The following SPEF2 variants were observed in gnomAD, a reference collection of about 807,000 sequenced individuals.
SPEF2 encodes the protein sperm flagellar and cilia associated 2, also known as sperm flagella and cilia-associated protein 2.
Under a neutral mutation model 224.6 loss-of-function variants are expected in SPEF2, and 187 were observed. The observed-to-expected ratio is 0.83, with a 90% CI of 0.74 to 0.94. The LOEUF (loss-of-function observed/expected upper bound fraction) is 0.94. Ranked by LOEUF, SPEF2 falls within the 40% of genes least tolerant of loss-of-function variation. The pLI, the probability that SPEF2 is intolerant of heterozygous loss-of-function variation, is 0.00. For missense variants in SPEF2, 2,170 were observed against 2,135.6 expected (o/e 1.02, Z -0.32); for synonymous variants, 715 against 707.3 (o/e 1.01, Z -0.17).
At chr5:35,664,628 C>T (rs1750192723) in intron 8 of SPEF2, among the ~76,000 whole-genome samples, 1 of 150,326 alleles carries the variant, frequency 6.7e-6, no homozygotes, top group Non-Finnish European at 1.5e-5. Flanking sequence ...TGTAGTGAGC[C>T]GAGATAACTC....
chr5:35,802,666 C>T (rs996177376), intron 34 of SPEF2, among the ~76,000 whole-genome samples: 1 of 152,120 alleles, frequency 6.6e-6, no homozygotes, highest in Non-Finnish European at 1.5e-5. Flanking sequence ...CTTGCAAGTC[C>T]CTGGGGCATG....
At chr5:35,677,492 C>A (rs2149495773) in intron 10 of SPEF2, among the ~76,000 whole-genome samples, 1 of 152,180 alleles carries the variant, frequency 6.6e-6, no homozygotes, top group East Asian at 1.9e-4. Flanking sequence ...AATGCAGTGA[C>A]CTTAGAGTCT....
At chr5:35,746,935 C>T (rs568327013) in intron 23 of SPEF2, among the ~76,000 whole-genome samples, 2 of 152,206 alleles carry the variant, frequency 1.3e-5, no homozygotes, top group South Asian at 2.1e-4. Flanking sequence ...CACCAGGTAA[C>T]TTATAAAGGA....
chr5:35,799,796 T>C (rs1415215199), intron 33 of SPEF2, among the ~76,000 whole-genome samples, 172 bp from the exon 34 acceptor site: 1 of 152,180 alleles, frequency 6.6e-6, no homozygotes, highest in East Asian at 1.9e-4. Context: ...CTTTTACTGC[T>C]TTTTTTCTTA....
chr5:35,783,294 T>C (rs1267883840), intron 30 of SPEF2, among the ~76,000 whole-genome samples: 5 of 152,228 alleles, frequency 3.3e-5, no homozygotes, highest in Non-Finnish European at 1.5e-5. Flanking sequence ...AGTTCACCTC[T>C]TGTCAAAAGA....
chr5:35,723,740 G>A (rs1012185137), intron 20 of SPEF2, among the ~76,000 whole-genome samples: 2 of 152,184 alleles, frequency 1.3e-5, no homozygotes, highest in Non-Finnish European at 2.9e-5. Flanking sequence ...AGGTGATGGA[G>A]GAAGTATGAT....
chr5:35,726,443 A>G (rs1744667082), intron 20 of SPEF2, among the ~76,000 whole-genome samples: 1 of 152,192 alleles, frequency 6.6e-6, no homozygotes, highest in African/African-American at 2.4e-5. Context: ...GTTACTGCCT[A>G]AACAAAGACT....
At chr5:35,627,678 T>C (rs1744464591) in intron 1 of SPEF2, among the ~76,000 whole-genome samples, 1 of 152,146 alleles carries the variant, frequency 6.6e-6, no homozygotes, top group Admixed American at 6.5e-5. Flanking sequence ...CACCCAGCAA[T>C]TCTCAAACAC....
At chr5:35,772,630 A>G (rs2149785384) in intron 27 of SPEF2, among the ~76,000 whole-genome samples, 1 of 152,242 alleles carries the variant, frequency 6.6e-6, no homozygotes, top group African/African-American at 2.4e-5. Flanking sequence ...TGGAGGAAGG[A>G]GTGGGTCAGT....
intron 23 of SPEF2, among the ~76,000 whole-genome samples, chr5:35,740,897 C>G (rs1747501190): frequency 6.6e-6 from 1 of 152,142 alleles, no homozygotes; most frequent in South Asian, 2.1e-4. Flanking sequence ...TGACACACCC[C>G]CCCTTATCCC....
At chr5:35,798,404 C>CTG (rs1756974759) in intron 33 of SPEF2, among the ~76,000 whole-genome samples, 2 of 152,158 alleles carry the variant, frequency 1.3e-5, no homozygotes, top group African/African-American at 4.8e-5. Flanking sequence ...CTTGGGAGTT[C>CTG]AGCCTCAGCA....
chr5:35,721,924 C>T (rs113461995), intron 20 of SPEF2, among the ~76,000 whole-genome samples: 38 of 152,102 alleles, frequency 2.5e-4, no homozygotes, highest in African/African-American at 8.2e-4. Context: ...ACAAACCATA[C>T]GGACATGAAA....
At chr5:35,748,702 G>A (rs1019949833) in intron 23 of SPEF2, among the ~76,000 whole-genome samples, 1 of 152,080 alleles carries the variant, frequency 6.6e-6, no homozygotes, top group Non-Finnish European at 1.5e-5. Context: ...ACACAAAAAA[G>A]TCCAGGACCA....
At chr5:35,689,002 T>A (rs1366349962) in intron 10 of SPEF2, among the ~76,000 whole-genome samples, 2 of 152,190 alleles carry the variant, frequency 1.3e-5, no homozygotes, top group African/African-American at 2.4e-5. Context: ...ATATTTTCTG[T>A]ATAAGGGTTA....
intron 3 of SPEF2, among the ~76,000 whole-genome samples, chr5:35,643,346 T>G (rs1438662148): frequency 1.3e-5 from 2 of 152,142 alleles, no homozygotes; most frequent in African/African-American, 4.8e-5. Context: ...GAAAAATGTT[T>G]CATTAGAGTG....
intron 7 of SPEF2, among the ~76,000 whole-genome samples, chr5:35,656,419 C>A (rs1325322964): frequency 6.6e-6 from 1 of 152,076 alleles, no homozygotes; most frequent in East Asian, 1.9e-4. Context: ...ATTCTGATTT[C>A]TTCAAATTTT....
intron 27 of SPEF2, among the ~76,000 whole-genome samples, chr5:35,773,090 T>A (rs1328977679): frequency 1.3e-5 from 2 of 152,132 alleles, no homozygotes; most frequent in African/African-American, 4.8e-5. Flanking sequence ...TAAAATATAA[T>A]TAAATTAGCC....
At chr5:35,807,552 A>G (rs1758232418) in intron 36 of SPEF2, 1 of 1,256,300 alleles carries the variant, frequency 8.0e-7, no homozygotes, top group Non-Finnish European at 1.1e-6. Flanking sequence ...GGTTTGGAGA[A>G]TAAGATTCCT....
At chr5:35,664,064 T>G (rs1236783300) in intron 8 of SPEF2, among the ~76,000 whole-genome samples, 3 of 152,170 alleles carry the variant, frequency 2.0e-5, no homozygotes, top group African/African-American at 7.2e-5. Context: ...TCTTCCCAAG[T>G]GCCTTCACCC....
Sources: gnomAD v4.1 joint callset for allele counts (sites outside exome capture counted in the v4.1 genomes callset) on GRCh38, gnomAD v4.1.1 for gene constraint, MANE v1.5 for transcripts, NCBI Gene and HGNC (gene_info 2026-07-23, HGNC 2026-07-21) for gene names.